The following RAB3B variants were observed in gnomAD, a reference collection of about 807,000 sequenced individuals.
RAB3B encodes RAB3B, member RAS oncogene family.
Under a neutral mutation model 20.5 loss-of-function variants are expected in RAB3B, and 11 were observed. The ratio of observed to expected loss-of-function variants is 0.54; its 90% CI spans 0.34 to 0.89. The LOEUF (loss-of-function observed/expected upper bound fraction) is 0.89, where lower values mean the gene tolerates loss of function less well. Among genes scored for constraint, RAB3B ranks in the 40% least tolerant of loss-of-function variants. The pLI, the probability that RAB3B is intolerant of heterozygous loss-of-function variation, is 0.02. For synonymous variants in RAB3B, 99 were observed against 106.3 expected (o/e 0.93, Z 0.42); for missense variants, 225 against 280.9 (o/e 0.80, Z 1.42).
chr1:51,940,615 G>C (rs977641812), intron 2 of RAB3B, among the ~76,000 whole-genome samples: 1 of 151,424 alleles, frequency 6.6e-6, no homozygotes, highest in African/African-American at 2.4e-5. Flanking sequence ...GAGTGAGACT[G>C]TCTCAAAAGG....
chr1:51,924,255 G>A (rs1004786300), intron 4 of RAB3B, among the ~76,000 whole-genome samples: 26 of 152,148 alleles, frequency 1.7e-4, no homozygotes, highest in African/African-American at 5.3e-4. Flanking sequence ...GGAGCCCCTA[G>A]TGTGTTATGG....
At chr1:51,929,104 C>A (rs1159153967) in intron 4 of RAB3B, among the ~76,000 whole-genome samples, 1 of 152,130 alleles carries the variant, frequency 6.6e-6, no homozygotes, top group African/African-American at 2.4e-5. Context: ...CACAGGTGAC[C>A]AATCATAGTA....
At chr1:51,980,880 T>C (rs1685078331) in intron 1 of RAB3B, 3 of 607,070 alleles carry the variant, frequency 4.9e-6, no homozygotes, top group Non-Finnish European at 8.8e-6. Context: ...AAAATGGAAA[T>C]TGTACTTTAA....
At chr1:51,952,683 G>T (rs766982954) in intron 2 of RAB3B, among the ~76,000 whole-genome samples, 2 of 151,774 alleles carry the variant, frequency 1.3e-5, no homozygotes. Context: ...ATAAAGGAAT[G>T]AACAAAGGAA....
At chr1:51,928,107 T>G (rs1300872491) in intron 4 of RAB3B, among the ~76,000 whole-genome samples, 1 of 149,278 alleles carries the variant, frequency 6.7e-6, no homozygotes, top group Non-Finnish European at 1.5e-5. Flanking sequence ...AACACACAGC[T>G]TTTTTTTTTC....
chr1:51,982,171 G>A (rs1215718042), intron 1 of RAB3B, among the ~76,000 whole-genome samples: 1 of 152,118 alleles, frequency 6.6e-6, no homozygotes, highest in Non-Finnish European at 1.5e-5. Flanking sequence ...TGGACCCTGT[G>A]TAGGCCTAAG....
Position 51,985,984 on chromosome 1 carries a change from C to A in RAB3B, c.-1+4568G>T, listed in dbSNP as rs1303784758. ...CCAGGTTTGACGGGATTAAGGAAAACGAAAACCACAACAATTTTAGGGTGA... is the reference window on the plus strand; with the variant it reads ...CCAGGTTTGACGGGATTAAGGAAAAAGAAAACCACAACAATTTTAGGGTGA... On this transcript the variant is annotated intron_variant, in intron 1 of 4. Transcript: ENST00000371655. Among the ~76,000 whole-genome samples the A allele has an allele frequency of 4.6e-5, 7 of 151,758 alleles. No individual in the cohort carries two copies. In the East Asian group the frequency reaches 1.3e-3, roughly 29 times the overall value.
chr1:51,937,237 C>T, intron 3 of RAB3B, 57 bp downstream of exon 3: 1 of 1,334,108 alleles, frequency 7.5e-7, no homozygotes, highest in Non-Finnish European at 1.1e-6. Flanking sequence ...GGACCTAGCA[C>T]ATGTTAGGTT....
chr1:51,987,956 T>C (rs897776691), intron 1 of RAB3B, among the ~76,000 whole-genome samples: 3 of 152,122 alleles, frequency 2.0e-5, no homozygotes, highest in South Asian at 2.1e-4. Context: ...TAACTCACTG[T>C]AGCTTCAGGT....
Position 51,942,065 on chromosome 1 carries a change from TC to T in RAB3B, c.229-4654del, listed in dbSNP as rs559560990. Among the ~76,000 whole-genome samples, 12 of 152,296 alleles carry T rather than the reference TC, an allele frequency of 7.9e-5. No individual in the cohort carries two copies. The South Asian group carries it at 2.3e-3, about 29-fold the overall frequency. On this transcript the variant is annotated intron_variant, in intron 2 of 4. Transcript: ENST00000371655. ...ATGCCCTTGCCTCTGCTTCCTGAGC[TC>T]CTCAGAGCCAACTCCAAAGAATAGA... is the stretch of plus-strand genomic sequence containing the variant.
intron 2 of RAB3B, among the ~76,000 whole-genome samples, chr1:51,968,394 T>A (rs2124299807): frequency 6.6e-6 from 1 of 152,318 alleles, no homozygotes; most frequent in East Asian, 1.9e-4. Context: ...TAGGGAAAAG[T>A]CTCTTGATAT....
chr1:51,974,750 C>T (rs919506503), intron 2 of RAB3B, among the ~76,000 whole-genome samples: 10 of 152,096 alleles, frequency 6.6e-5, no homozygotes, highest in Admixed American at 6.6e-5. Flanking sequence ...GTTTCTTATC[C>T]TGCAAAACAG....
chr1:51,937,682 A>C (rs188944487), intron 2 of RAB3B, among the ~76,000 whole-genome samples: 2 of 152,094 alleles, frequency 1.3e-5, no homozygotes, highest in African/African-American at 4.8e-5. Context: ...TTTTTAGTAG[A>C]GACAGGGTTT....
chr1:51,912,604 A>T lies in RAB3B; in HGVS notation c.*7323T>A, dbSNP rs1330708247. On this transcript the variant is annotated 3_prime_UTR_variant, in exon 5 of 5. Transcript: ENST00000371655. ...ATATATATATATATATATATATAAA[A>T]AATGTTACTCCTGTGAGACAGAATG... 31 of 108,378 alleles carry T rather than the reference A, an allele frequency of 2.9e-4. 1 individual carries two copies. The highest frequency in any genetic ancestry group is 5.6e-4 in the African/African-American group (16 of 28,542). The allele number at this position is 108,378 out of a possible 1,614,324, so 6.7% of individuals were successfully genotyped here. A position where few individuals can be genotyped will look rare whatever the true frequency, so the allele number is the denominator to read the frequency against.
chr1:51,960,607 C>T (rs1185178613), intron 2 of RAB3B, among the ~76,000 whole-genome samples: 2 of 152,128 alleles, frequency 1.3e-5, no homozygotes, highest in Non-Finnish European at 2.9e-5. Flanking sequence ...CCTCCCCCAT[C>T]CCACCCCTGT....
chr1:51,960,668 C>T (rs902730331), intron 2 of RAB3B, among the ~76,000 whole-genome samples: 1 of 152,158 alleles, frequency 6.6e-6, no homozygotes, highest in Non-Finnish European at 1.5e-5. Context: ...AATCTCCAGC[C>T]TTAGATGGCA....
chr1:51,985,313 G>T (rs1213482691), intron 1 of RAB3B, among the ~76,000 whole-genome samples: 5 of 152,020 alleles, frequency 3.3e-5, no homozygotes, highest in Non-Finnish European at 7.4e-5. Flanking sequence ...GATTCAAGGG[G>T]GCTTTATCCA....
At chr1:51,980,487 A>G in intron 1 of RAB3B, 1 of 695,698 alleles carries the variant, frequency 1.4e-6, no homozygotes, top group Non-Finnish European at 2.6e-6. Flanking sequence ...CAAAGAAAAG[A>G]AGGAACAATG....
rs939421241 is a variant in RAB3B at position 51,918,148 on chromosome 1, G to A, written c.*1779C>T. 2 of 152,046 alleles carry A rather than the reference G, an allele frequency of 1.3e-5. No individual in the cohort carries two copies. The highest frequency in any genetic ancestry group is 2.9e-5 in the Non-Finnish European group (2 of 68,018). The allele number at this position is 152,046 out of a possible 1,614,324, so 9.4% of individuals were successfully genotyped here. Reference sequence around the variant, plus strand: ...TTTTTCCTCAGGTATTTAATTAAGGGGCTTCCACCAGAAGTGGTTTCCCAC... The same window carrying A: ...TTTTTCCTCAGGTATTTAATTAAGGAGCTTCCACCAGAAGTGGTTTCCCAC... On this transcript the variant is annotated 3_prime_UTR_variant, in exon 5 of 5. Transcript: ENST00000371655.
Sources: allele counts gnomAD v4.1 joint callset (sites outside exome capture counted in the v4.1 genomes callset), GRCh38; gene constraint gnomAD v4.1.1; transcripts MANE v1.5; gene names NCBI Gene and HGNC (gene_info 2026-07-23, HGNC 2026-07-21).